The following KHDRBS3 variants were observed in gnomAD, a reference collection of about 807,000 sequenced individuals.
KHDRBS3 encodes KH RNA binding domain containing, signal transduction associated 3, also known as KH domain-containing, RNA-binding, signal transduction-associated protein 3.
Under a neutral mutation model 45.6 loss-of-function variants are expected in KHDRBS3, and 23 were observed. The observed-to-expected ratio is 0.50, with a 90% CI of 0.36 to 0.72. The LOEUF (loss-of-function observed/expected upper bound fraction) is 0.72, where lower values mean the gene tolerates loss of function less well. Ranked by LOEUF, KHDRBS3 falls within the 30% of genes least tolerant of loss-of-function variation. The pLI is 0.00. For synonymous variants in KHDRBS3, 162 were observed against 156.5 expected (o/e 1.04, Z -0.26); for missense variants, 352 against 424.8 (o/e 0.83, Z 1.51).
rs375631516 is a variant in KHDRBS3, at chr8:135,531,490, C to T, written c.207+10135C>T. Among the ~76,000 whole-genome samples the T allele has an allele frequency of 8.8e-4, 134 of 151,964 alleles. 2 individuals carry two copies. Among genetic ancestry groups the T allele is most frequent in the African/African-American group, 3.1e-3 (128 of 41,498 alleles). On this transcript the variant is annotated intron_variant, in intron 2 of 8. Coordinates refer to ENST00000355849, the MANE Select transcript of KHDRBS3 (RefSeq NM_006558.3). ...TTTGGAGAAAAATAAGCTTTAACTC[C>T]ATAAGTATTTATTGAGAAACGATTA...
intron 7 of KHDRBS3, among the ~76,000 whole-genome samples, chr8:135,642,469 T>C (rs1416891977): frequency 1.3e-5 from 2 of 152,184 alleles, no homozygotes; most frequent in Non-Finnish European, 2.9e-5. Flanking sequence ...TTCTTCTAAA[T>C]TTTTTTAGGA....
At chr8:135,587,498 T>C (rs1828534298) in intron 6 of KHDRBS3, among the ~76,000 whole-genome samples, 1 of 152,218 alleles carries the variant, frequency 6.6e-6, no homozygotes, top group Non-Finnish European at 1.5e-5. Context: ...TATTTAAGTA[T>C]AAATTTGGGA....
At chr8:135,634,436 C>A (rs1830727213) in intron 7 of KHDRBS3, among the ~76,000 whole-genome samples, 1 of 152,112 alleles carries the variant, frequency 6.6e-6, no homozygotes, top group Non-Finnish European at 1.5e-5. Context: ...GAGGGGGATT[C>A]TCTGATTAAA....
chr8:135,556,185 G>A (rs886640866), intron 4 of KHDRBS3, among the ~76,000 whole-genome samples: 9 of 152,142 alleles, frequency 5.9e-5, no homozygotes, highest in Admixed American at 6.5e-5. Flanking sequence ...GAATAGTGCT[G>A]CAGTAAACAT....
chr8:135,519,718 A>G (rs1411697664), intron 1 of KHDRBS3, among the ~76,000 whole-genome samples: 1 of 152,222 alleles, frequency 6.6e-6, no homozygotes, highest in African/African-American at 2.4e-5. Flanking sequence ...GAGAATCTAG[A>G]ATTTTTATGT....
intron 3 of KHDRBS3, among the ~76,000 whole-genome samples, chr8:135,547,590 A>G (rs1826374050): frequency 6.6e-6 from 1 of 152,176 alleles, no homozygotes. Context: ...AAGAGTTCAA[A>G]TTAGTCAAGT....
intron 8 of KHDRBS3, among the ~76,000 whole-genome samples, chr8:135,645,671 A>G (rs1019402750): frequency 6.6e-6 from 1 of 152,252 alleles, no homozygotes; most frequent in Non-Finnish European, 1.5e-5. Context: ...TGGAGCTGGT[A>G]GAGATGCTGG....
intron 7 of KHDRBS3, among the ~76,000 whole-genome samples, chr8:135,637,256 A>G (rs1830851607): frequency 6.6e-6 from 1 of 152,258 alleles, no homozygotes; most frequent in Admixed American, 6.5e-5. Context: ...TGTGAAAACA[A>G]GAGTAGTCCC....
intron 1 of KHDRBS3, among the ~76,000 whole-genome samples, chr8:135,513,983 T>A (rs1824438657): frequency 6.6e-6 from 1 of 152,202 alleles, no homozygotes; most frequent in Non-Finnish European, 1.5e-5. Flanking sequence ...TCATTTGGAT[T>A]TGGACCTAGA....
At chr8:135,515,553 A>AT (rs145108989) in intron 1 of KHDRBS3, among the ~76,000 whole-genome samples, 133 of 151,908 alleles carry the variant, frequency 8.8e-4, no homozygotes, top group Non-Finnish European at 1.4e-3. Flanking sequence ...GACCTGTATC[A>AT]TAGATATATT....
chr8:135,613,750 A>T (rs1829799516), intron 7 of KHDRBS3, among the ~76,000 whole-genome samples: 1 of 151,618 alleles, frequency 6.6e-6, no homozygotes, highest in African/African-American at 2.4e-5. Context: ...GTGCACTGAG[A>T]GTCGGTAAGG....
At chr8:135,619,385 T>A (rs1563810396) in intron 7 of KHDRBS3, among the ~76,000 whole-genome samples, 1 of 151,960 alleles carries the variant, frequency 6.6e-6, no homozygotes, top group Non-Finnish European at 1.5e-5. Flanking sequence ...TACATGTAGG[T>A]ATATAGCCCA....
chr8:135,583,543 T>C (rs1385267318), intron 6 of KHDRBS3, among the ~76,000 whole-genome samples: 1 of 152,192 alleles, frequency 6.6e-6, no homozygotes, highest in East Asian at 1.9e-4. Flanking sequence ...GGTTTAGATT[T>C]AATACAGATG....
intron 5 of KHDRBS3, among the ~76,000 whole-genome samples, chr8:135,559,352 GTTTA>G (rs958385820): frequency 4.0e-5 from 6 of 151,426 alleles, no homozygotes; most frequent in Non-Finnish European, 7.4e-5. Flanking sequence ...ATTTTATTTT[GTTTA>G]TTTATTTATT....
rs552351546 is a variant in KHDRBS3 at position 135,637,326 on chromosome 8, G to A, written c.891-7733G>A. 4.6e-5 allele frequency among the ~76,000 whole-genome samples: 7 copies of A among 152,082 alleles called. No individual in the cohort carries two copies. In the South Asian group the frequency reaches 6.2e-4, roughly 14 times the overall value. ...TGCTTTATTTATAAAAATTCCTAACGGTTATTGTAACAAAGGCTCCTTCTA... is the reference window on the plus strand; with the variant it reads ...TGCTTTATTTATAAAAATTCCTAACAGTTATTGTAACAAAGGCTCCTTCTA... On this transcript the variant is annotated intron_variant, in intron 7 of 8. Transcript: ENST00000355849.
chr8:135,560,240 A>G (rs1827104592), intron 5 of KHDRBS3, among the ~76,000 whole-genome samples: 1 of 152,038 alleles, frequency 6.6e-6, no homozygotes, highest in Admixed American at 6.6e-5. Context: ...ATAAGAAATT[A>G]TTTACCTGGT....
In KHDRBS3 at chr8:135,606,982, T is replaced by TATG; in HGVS notation, c.840_842dup (p.Asp280dup). On this transcript the variant is annotated inframe_insertion, in exon 7 of 9. Transcript: ENST00000355849. ...CTATGATGATGGATATGGCACTGCT[T>TATG]ATGATGAACAGAGTTATGATTCCTA... The TATG allele has an allele frequency of 6.2e-7, 1 of 1,613,626 alleles. No individual in the cohort carries two copies. Among genetic ancestry groups the TATG allele is most frequent in the Non-Finnish European group, 8.5e-7 (1 of 1,179,666 alleles).
chr8:135,540,863 C>T (rs1326816856), intron 2 of KHDRBS3: 1 of 152,140 alleles, frequency 6.6e-6, no homozygotes, highest in African/African-American at 2.4e-5. Context: ...TTTTTAAGAA[C>T]AGATAGTAGA....
intron 6 of KHDRBS3, among the ~76,000 whole-genome samples, chr8:135,605,465 G>C (rs4457368): frequency 6.6e-6 from 1 of 151,998 alleles, no homozygotes; most frequent in Admixed American, 6.6e-5. Context: ...CGCAACTTAA[G>C]AATTTATTTT....
Sources: gnomAD v4.1 joint callset for allele counts (sites outside exome capture counted in the v4.1 genomes callset) on GRCh38, gnomAD v4.1.1 for gene constraint, MANE v1.5 for transcripts, NCBI Gene and HGNC (gene_info 2026-07-23, HGNC 2026-07-21) for gene names.